FCHO1: variants seen among roughly 807,000 people sequenced by gnomAD.
FCHO1 encodes F-BAR domain only protein 1.
In FCHO1, 45 loss-of-function variants were observed where a neutral mutation model predicts 114.4. The ratio of observed to expected loss-of-function variants is 0.39; its 90% CI spans 0.31 to 0.50. The LOEUF (loss-of-function observed/expected upper bound fraction) is 0.50. FCHO1 is among the 20% of genes least tolerant of loss of function. FCHO1 has a pLI of 0.77. For synonymous variants in FCHO1, 480 were observed against 488.9 expected (o/e 0.98, Z 0.24); for missense variants, 1,042 against 1,209.6 (o/e 0.86, Z 2.06).
Position 17,776,070 on chromosome 19 carries a change from C to A in FCHO1, c.1091C>A (p.Ala364Asp). 1 of 1,611,406 alleles carries A rather than the reference C, an allele frequency of 6.2e-7. No homozygotes were observed. The part of the protein sequence containing the change: ...PRKFYVHIKP[A>D]PARAPACSPE... The stretch of plus-strand genomic sequence containing the variant: ...AAGTTCTATGTGCACATCAAGCCTG[C>A]CCCGGCCCGGGCTCCAGCCTGCAGC... Residue 364 changes from alanine to aspartate, a missense_variant, in exon 16 of 29, where the codon GCC becomes GAC. Physicochemically the swap from Ala to Asp is moderately radical, Grantham distance 126. This residue lies in a region of FCHO1 where 450 missense variants were observed against 564.1 expected (regional missense o/e 0.80). Transcript: ENST00000596536. This position sits in a 1 kb window ranked among gnomAD's most constrained non-coding sequence, Gnocchi z 4.4.
intron 5 of FCHO1, 27 bp from the exon 6 acceptor site, chr19:17,764,348 C>T (rs1249926956): frequency 1.9e-6 from 3 of 1,612,092 alleles, no homozygotes; most frequent in Non-Finnish European, 1.7e-6. Context: ...GGCAGTTTCT[C>T]CATCTTTACC....
intron 23 of FCHO1, 46 bp downstream of exon 23, chr19:17,781,866 G>A (rs867555739): frequency 7.5e-7 from 1 of 1,332,924 alleles, no homozygotes; most frequent in East Asian, 2.3e-5. Context: ...TCTGTGTTGG[G>A]GGAGTCCAGC....
At chr19:17,782,918 G>A in intron 23 of FCHO1, 99 bp from the exon 24 acceptor site, 2 of 1,383,666 alleles carry the variant, frequency 1.4e-6, no homozygotes, top group Non-Finnish European at 2.0e-6. Context: ...GATCCGAGGA[G>A]TCTGGGGAGC....
At chr19:17,760,935 C>T (rs1383266817) in intron 4 of FCHO1, among the ~76,000 whole-genome samples, 1 of 152,164 alleles carries the variant, frequency 6.6e-6, no homozygotes. Context: ...AGGGGTGAGC[C>T]ACCGCGCCTA....
chr19:17,774,186 G>A, intron 11 of FCHO1, 53 bp from the exon 12 acceptor site: 2 of 1,576,996 alleles, frequency 1.3e-6, no homozygotes, highest in Non-Finnish European at 1.7e-6. Context: ...TGGGATTACA[G>A]GCATGGGCCA....
intron 19 of FCHO1, 188 bp downstream of exon 19, chr19:17,778,416 C>G: frequency 1.3e-6 from 1 of 777,188 alleles, no homozygotes; most frequent in South Asian, 1.7e-5. Context: ...GGCCAGTGGG[C>G]GGTGACTGAG....
intron 4 of FCHO1, among the ~76,000 whole-genome samples, chr19:17,759,159 C>T (rs1312486640): frequency 1.3e-5 from 2 of 151,312 alleles, no homozygotes; most frequent in African/African-American, 4.9e-5. Flanking sequence ...CCTTCTCTTC[C>T]AGTGTTATTA....
intron 6 of FCHO1, among the ~76,000 whole-genome samples, chr19:17,765,807 G>A (rs988183784): frequency 6.6e-6 from 1 of 151,986 alleles, no homozygotes; most frequent in Non-Finnish European, 1.5e-5. Context: ...GAAGGTGGAG[G>A]GAGGCTGGAT....
rs1365057330 is a variant in FCHO1, at chr19:17,781,745, G to A, written c.1862G>A (p.Gly621Asp). 3 of 1,610,558 alleles carry A rather than the reference G, an allele frequency of 1.9e-6. No individual in the cohort carries two copies. The Admixed American group carries it at 5.1e-5, about 27-fold the overall frequency. ...CGGGGTCCGAGCCCTGTGGTCCTGG[G>A]CTCCCAGGATGCCCTGCCCATAGCC... ...VSRGPSPVVL[G>D]SQDALPIATA... The change falls in exon 23 of 29, where the codon GGC becomes GAC. Residue 621 changes from glycine to aspartate, a missense_variant. This residue lies in a region of FCHO1 where 455 missense variants were observed against 455.4 expected (regional missense o/e 1.00). Coordinates refer to ENST00000596536, the MANE Select transcript of FCHO1 (RefSeq NM_015122.3).
intron 18 of FCHO1, among the ~76,000 whole-genome samples, chr19:17,777,312 G>A (rs968756507): frequency 4.0e-5 from 6 of 151,672 alleles, no homozygotes; most frequent in African/African-American, 1.2e-4. Context: ...CAAGGCAGGC[G>A]GATCACCTGA....
chr19:17,762,884 C>T (rs1221229476), intron 5 of FCHO1, 31 bp downstream of exon 5: 1 of 1,439,278 alleles, frequency 6.9e-7, no homozygotes, highest in Non-Finnish European at 9.8e-7. Context: ...CCACCAGAGG[C>T]CACGCCCACC....
rs987132600 is a variant in FCHO1, at chr19:17,776,799, GT to G, written c.1259+120del. Reference sequence around the variant, plus strand: ...GGCTGGGAGTTGACGTCATGCTGGGGTTTTTTTGTTTTTGTTTTTGTTTTGA... The same window carrying G: ...GGCTGGGAGTTGACGTCATGCTGGGGTTTTTTGTTTTTGTTTTTGTTTTGA... On this transcript the variant is annotated intron_variant, in intron 18 of 28. Coordinates refer to ENST00000596536, the MANE Select transcript of FCHO1 (RefSeq NM_015122.3). This position sits in a 1 kb window ranked among gnomAD's most constrained non-coding sequence, Gnocchi z 4.4. 25 of 1,022,476 alleles carry G rather than the reference GT, an allele frequency of 2.4e-5. No homozygotes were observed. The highest frequency in any genetic ancestry group is 4.9e-5 in the African/African-American group (3 of 61,432). The allele number at this position is 1,022,476 out of a possible 1,614,324, so 63.3% of individuals were successfully genotyped here.
Position 17,784,486 on chromosome 19 carries a change from A to G in FCHO1, c.2227-239A>G, listed in dbSNP as rs972067553. On this transcript the variant is annotated intron_variant, in intron 25 of 28. Coordinates refer to ENST00000596536, the MANE Select transcript of FCHO1 (RefSeq NM_015122.3). This position sits in a 1 kb window ranked among gnomAD's most constrained non-coding sequence, Gnocchi z 5.3. ...TAGTATGTTTATGTGAACTAGAAGC[A>G]GCCCAGCCCCGGAACCTTACACTTG... Among the ~76,000 whole-genome samples, 2 of 152,154 alleles carry G rather than the reference A, an allele frequency of 1.3e-5. No individual in the cohort carries two copies. The highest frequency in any genetic ancestry group is 2.4e-5 in the African/African-American group (1 of 41,428).
intron 11 of FCHO1, among the ~76,000 whole-genome samples, chr19:17,773,582 T>G (rs2092096107): frequency 6.6e-6 from 1 of 152,082 alleles, no homozygotes; most frequent in Non-Finnish European, 1.5e-5. Flanking sequence ...GGGAGAGAGT[T>G]CCCACTCCTT....
intron 23 of FCHO1, among the ~76,000 whole-genome samples, chr19:17,782,066 A>G (rs760444239): frequency 5.5e-5 from 8 of 145,568 alleles, no homozygotes; most frequent in Non-Finnish European, 1.0e-4. Flanking sequence ...CAGTGGTGCA[A>G]TCTCGCAATC....
chr19:17,763,652 G>A (rs1038443939), intron 5 of FCHO1, among the ~76,000 whole-genome samples: 11 of 147,358 alleles, frequency 7.5e-5, no homozygotes, highest in South Asian at 4.3e-4. Context: ...CGACCTACCG[G>A]GCCCAAGCGA....
rs759315977 is a variant in FCHO1, at chr19:17,778,242, G to A, written c.1351+14G>A. The A allele has an allele frequency of 1.3e-6, 2 of 1,599,948 alleles. No homozygotes were observed. The highest frequency in any genetic ancestry group is 3.3e-5 in the Admixed American group (2 of 60,010). ...AAGATTTTACAGGTGATGGGGATAA[G>A]GGATTGGAGGGCATGGGTGTGGCCG... On this transcript the variant is annotated intron_variant, in intron 19 of 28. Coordinates refer to ENST00000596536, the MANE Select transcript of FCHO1 (RefSeq NM_015122.3).
At position 17,774,227 on chromosome 19, in the gene FCHO1, C is replaced by T. The variant is rs773652635; in HGVS notation, c.791-12C>T. 7.4e-6 allele frequency: 12 copies of T among 1,613,924 alleles called. No homozygotes were observed. In the South Asian group the frequency reaches 1.2e-4, roughly 16 times the overall value. ...CCCAGCCCCTCAATTGAGTTTCCGTCTCCTGTCTCAGGACCTCTGGACTTC... is the reference window on the plus strand; with the variant it reads ...CCCAGCCCCTCAATTGAGTTTCCGTTTCCTGTCTCAGGACCTCTGGACTTC... On this transcript the variant is annotated splice_polypyrimidine_tract_variant and intron_variant, in intron 11 of 28. Coordinates refer to ENST00000596536, the MANE Select transcript of FCHO1 (RefSeq NM_015122.3).
intron 4 of FCHO1, among the ~76,000 whole-genome samples, chr19:17,761,489 T>G (rs1442486039): frequency 6.6e-6 from 1 of 151,924 alleles, no homozygotes; most frequent in Non-Finnish European, 1.5e-5. Context: ...GAAACGCTAC[T>G]GATTTTCATG....
Sources: allele counts gnomAD v4.1 joint callset (sites outside exome capture counted in the v4.1 genomes callset), GRCh38; gene constraint gnomAD v4.1.1; regional missense constraint gnomAD v4.1.1; non-coding constraint Gnocchi (gnomAD v3.1); transcripts MANE v1.5; gene names NCBI Gene and HGNC (gene_info 2026-07-23, HGNC 2026-07-21).